Variants in XYLT1 observed in about 807,000 individuals in gnomAD.
The protein encoded by XYLT1 is beta-D-xylosyltransferase 1.
A neutral mutation model predicts 91.3 loss-of-function variants in XYLT1; 36 were observed. The ratio of observed to expected loss-of-function variants is 0.39; its 90% CI spans 0.30 to 0.52. The LOEUF (loss-of-function observed/expected upper bound fraction) is 0.52, where lower values mean the gene tolerates loss of function less well. Ranked by LOEUF, XYLT1 falls within the 20% of genes least tolerant of loss-of-function variation. The probability of loss-of-function intolerance (pLI) is 0.68; values close to 1 mark genes in which losing one functional copy is unlikely to be tolerated. For missense variants in XYLT1, 1,242 were observed against 1,284.5 expected, an observed-to-expected ratio of 0.97 and a Z score of 0.51; for synonymous variants, 588 against 532.0, an observed-to-expected ratio of 1.11 and a Z score of -1.45.
At chr16:17,382,747 C>T (rs2035697074) in intron 1 of XYLT1, among the ~76,000 whole-genome samples, 1 of 151,852 alleles carries the variant, frequency 6.6e-6, no homozygotes, top group African/African-American at 2.4e-5. Flanking sequence ...AGATAACAGT[C>T]CCCATACTCC....
At position 17,111,168 on chromosome 16, in the gene XYLT1, A is replaced by T. The variant is rs189828188; in HGVS notation, c.2558-2151T>A. ...GAGTGAGACTTCATCTCAAAAAAAA[A>T]TTTTAAAAATTGCAACCTCAGGCAT... On this transcript the variant is annotated intron_variant, in intron 11 of 11. Transcript: ENST00000261381. 4.2e-3 allele frequency among the ~76,000 whole-genome samples: 644 copies of T among 152,230 alleles called. 5 individuals carry two copies. Among genetic ancestry groups the T allele is most frequent in the African/African-American group, 0.015 (622 of 41,546 alleles).
chr16:17,279,221 G>A (rs998243560), intron 2 of XYLT1, among the ~76,000 whole-genome samples: 7 of 152,212 alleles, frequency 4.6e-5, no homozygotes, highest in East Asian at 1.9e-4. Context: ...CAACTTAGCC[G>A]TGCCGTTTTG....
chr16:17,218,462 A>T (rs73523127), intron 3 of XYLT1, among the ~76,000 whole-genome samples: 12,176 of 151,604 alleles, frequency 0.08, 851 homozygotes, highest in African/African-American at 0.19. Flanking sequence ...GCCACTGGGT[A>T]TTTTTTCTTA....
intron 2 of XYLT1, among the ~76,000 whole-genome samples, chr16:17,323,738 T>C (rs1299463961): frequency 6.6e-6 from 1 of 152,018 alleles, no homozygotes; most frequent in Non-Finnish European, 1.5e-5. Flanking sequence ...TGTAGCTGCT[T>C]TCTCTGGGTT....
chr16:17,259,537 T>G (rs1217720336), intron 2 of XYLT1, 39 bp from the exon 3 acceptor site: 1 of 1,589,308 alleles, frequency 6.3e-7, no homozygotes, highest in Admixed American at 1.7e-5. Context: ...GAAACTTGAC[T>G]GAGAGATCAT....
intron 3 of XYLT1, among the ~76,000 whole-genome samples, chr16:17,228,819 T>A (rs187142354): frequency 6.6e-6 from 1 of 152,212 alleles, no homozygotes; most frequent in Non-Finnish European, 1.5e-5. Context: ...CCTGGCATTT[T>A]ACACACCTGG....
At chr16:17,225,975 TA>T (rs999013541) in intron 3 of XYLT1, among the ~76,000 whole-genome samples, 6 of 151,842 alleles carry the variant, frequency 4.0e-5, no homozygotes, top group South Asian at 2.1e-4. Flanking sequence ...CAAAAAATTA[TA>T]AAAAAAAATC....
intron 10 of XYLT1, among the ~76,000 whole-genome samples, chr16:17,119,950 G>A (rs1444491839): frequency 5.3e-5 from 8 of 152,188 alleles, no homozygotes; most frequent in African/African-American, 1.7e-4. Context: ...ACTGGCATGT[G>A]TCTTGCTTTC....
intron 1 of XYLT1, chr16:17,445,966 C>T (rs140682735): frequency 1.5e-4 from 23 of 152,332 alleles, no homozygotes; most frequent in African/African-American, 5.5e-4. Flanking sequence ...GAGGGATGCT[C>T]AAGAGTCTAT....
intron 3 of XYLT1, among the ~76,000 whole-genome samples, chr16:17,247,739 T>C (rs148583669): frequency 1.2e-4 from 19 of 152,254 alleles, no homozygotes; most frequent in African/African-American, 3.9e-4. Context: ...AGGTCAATGA[T>C]AGTGAAACAG....
intron 1 of XYLT1, among the ~76,000 whole-genome samples, chr16:17,415,373 G>A (rs1275676969): frequency 2.0e-5 from 3 of 152,202 alleles, no homozygotes; most frequent in South Asian, 2.1e-4. Flanking sequence ...CAGCAGGAAA[G>A]AGGTCATTGA....
intron 1 of XYLT1, among the ~76,000 whole-genome samples, chr16:17,400,635 GGAAGGAAGGAAGGA>G (rs2035953957): frequency 8.5e-5 from 6 of 70,380 alleles, no homozygotes; most frequent in Non-Finnish European, 1.5e-4. Context: ...AAGGGAGGAA[GGAAGGAAGGAAGGA>G]AGGAAGGAAG....
chr16:17,114,468 C>T (rs1966848116), intron 11 of XYLT1, among the ~76,000 whole-genome samples: 1 of 152,218 alleles, frequency 6.6e-6, no homozygotes, highest in African/African-American at 2.4e-5. Context: ...TGCTGCAGAA[C>T]TGATTGCTTG....
At chr16:17,296,255 T>C (rs1301897550) in intron 2 of XYLT1, among the ~76,000 whole-genome samples, 2 of 123,130 alleles carry the variant, frequency 1.6e-5, no homozygotes, top group African/African-American at 8.2e-5. Flanking sequence ...AACCAAACCA[T>C]GTTTAGCAAG....
intron 2 of XYLT1, among the ~76,000 whole-genome samples, chr16:17,314,396 ATTT>A (rs540993679): frequency 6.6e-6 from 1 of 152,016 alleles, no homozygotes; most frequent in African/African-American, 2.4e-5. Flanking sequence ...CGAGTCAGTC[ATTT>A]TTTTAGAGCC....
At chr16:17,189,849 C>T (rs1202314808) in intron 5 of XYLT1, among the ~76,000 whole-genome samples, 1 of 152,106 alleles carries the variant, frequency 6.6e-6, no homozygotes, top group Non-Finnish European at 1.5e-5. Flanking sequence ...GAGTTCGAGA[C>T]CAGACTGACC....
At chr16:17,392,907 T>C (rs939351828) in intron 1 of XYLT1, among the ~76,000 whole-genome samples, 1 of 152,134 alleles carries the variant, frequency 6.6e-6, no homozygotes, top group African/African-American at 2.4e-5. Flanking sequence ...TTGAGACAAA[T>C]ATATAAGTGA....
chr16:17,239,504 TCATCCATCCATC>T (rs147770428), intron 3 of XYLT1, among the ~76,000 whole-genome samples: 19 of 128,350 alleles, frequency 1.5e-4, no homozygotes, highest in South Asian at 5.5e-4. Context: ...GTCCATCTAT[TCATCCATCCATC>T]CATCCATCCA....
At chr16:17,317,403 C>T (rs2034651982) in intron 2 of XYLT1, among the ~76,000 whole-genome samples, 1 of 151,488 alleles carries the variant, frequency 6.6e-6, no homozygotes, top group South Asian at 2.1e-4. Flanking sequence ...GAGGCCTAGG[C>T]GGGAGGGTGG....
Sources: gnomAD v4.1 joint callset for allele counts (sites outside exome capture counted in the v4.1 genomes callset) on GRCh38, gnomAD v4.1.1 for gene constraint, MANE v1.5 for transcripts, NCBI Gene and HGNC (gene_info 2026-07-23, HGNC 2026-07-21) for gene names.